Variants in MOB3B observed in about 807,000 individuals in gnomAD.
MOB3B encodes the protein MOB kinase activator-like 2B.
Under a neutral mutation model 18.7 loss-of-function variants are expected in MOB3B, and 7 were observed. The ratio of observed to expected loss-of-function variants is 0.37; its 90% CI spans 0.21 to 0.70. The LOEUF is 0.70. Ranked by LOEUF, MOB3B falls within the 30% of genes least tolerant of loss-of-function variation. The pLI is 0.52. For synonymous variants in MOB3B, 111 were observed against 99.9 expected (o/e 1.11, Z -0.66); for missense variants, 253 against 281.3 (o/e 0.90, Z 0.72).
chr9:27,519,690 G>C (rs1820294475), intron 1 of MOB3B, among the ~76,000 whole-genome samples: 1 of 152,154 alleles, frequency 6.6e-6, no homozygotes. Context: ...GTTAAGCAAA[G>C]CTTTCGCTTG....
At chr9:27,475,778 A>C (rs1434406185) in intron 1 of MOB3B, among the ~76,000 whole-genome samples, 1 of 152,182 alleles carries the variant, frequency 6.6e-6, no homozygotes, top group East Asian at 1.9e-4. Flanking sequence ...TATATCATTT[A>C]CTTCAAATTG....
chr9:27,451,300 C>T (rs1822778725), intron 2 of MOB3B, among the ~76,000 whole-genome samples: 1 of 152,124 alleles, frequency 6.6e-6, no homozygotes, highest in Non-Finnish European at 1.5e-5. Flanking sequence ...GCCCTTGCTT[C>T]AGAATTTACT....
chr9:27,357,143 TA>T (rs1821203383), intron 3 of MOB3B, among the ~76,000 whole-genome samples: 2 of 78,188 alleles, frequency 2.6e-5, no homozygotes, highest in African/African-American at 9.9e-5. Context: ...TATATATATA[TA>T]TGTGTTTTTT....
In MOB3B at chr9:27,357,144, A is replaced by ATATATATATATATATATATG. The variant is rs1486801059; in HGVS notation, c.621+1889_621+1890insCATATATATATATATATATA. Among the ~76,000 whole-genome samples the ATATATATATATATATATATG allele has an allele frequency of 1.6e-4, 13 of 80,972 alleles. 1 individual carries two copies. The highest frequency in any genetic ancestry group is 5.0e-4 in the African/African-American group (12 of 23,960). The allele number at this position is 80,972 out of a possible 152,430, so 53.1% of individuals were successfully genotyped here. On this transcript the variant is annotated intron_variant, in intron 3 of 3. Transcript: ENST00000262244. The stretch of plus-strand genomic sequence containing the variant: ...CAAATATATATATATATATATATAT[A>ATATATATATATATATATATG]TGTGTTTTTTTTTTTGCCATATATT...
At chr9:27,502,558 T>A (rs1378040880) in intron 1 of MOB3B, among the ~76,000 whole-genome samples, 1 of 152,214 alleles carries the variant, frequency 6.6e-6, no homozygotes, top group African/African-American at 2.4e-5. Flanking sequence ...GTGTGAAGAC[T>A]AATGTCCTGA....
intron 1 of MOB3B, among the ~76,000 whole-genome samples, chr9:27,491,332 A>G (rs1485703003): frequency 6.6e-6 from 1 of 152,208 alleles, no homozygotes; most frequent in Non-Finnish European, 1.5e-5. Context: ...TCACTAAGAA[A>G]AAAAAGTTTT....
chr9:27,332,116 C>A (rs1405053015), intron 3 of MOB3B, among the ~76,000 whole-genome samples: 1 of 152,200 alleles, frequency 6.6e-6, no homozygotes, highest in African/African-American at 2.4e-5. Context: ...CCTCAGACTC[C>A]TGAGTAGCTG....
At chr9:27,336,866 C>A (rs1253043178) in intron 3 of MOB3B, among the ~76,000 whole-genome samples, 2 of 152,128 alleles carry the variant, frequency 1.3e-5, no homozygotes, top group Non-Finnish European at 2.9e-5. Flanking sequence ...AATCATGCAG[C>A]TTCATCAATA....
intron 2 of MOB3B, among the ~76,000 whole-genome samples, chr9:27,388,899 G>C (rs1376215876): frequency 6.6e-6 from 1 of 151,974 alleles, no homozygotes; most frequent in Non-Finnish European, 1.5e-5. Context: ...AATTCATCTT[G>C]AAAGTTTCCT....
At chr9:27,513,443 G>A (rs1196635093) in intron 1 of MOB3B, among the ~76,000 whole-genome samples, 1 of 152,090 alleles carries the variant, frequency 6.6e-6, no homozygotes, top group Non-Finnish European at 1.5e-5. Context: ...TCTCTTGTTT[G>A]AAACTCTTTC....
chr9:27,400,248 A>G (rs1229890200), intron 2 of MOB3B, among the ~76,000 whole-genome samples: 1 of 152,248 alleles, frequency 6.6e-6, no homozygotes, highest in East Asian at 1.9e-4. Context: ...TAATACTTAC[A>G]GTAATTATTG....
intron 1 of MOB3B, among the ~76,000 whole-genome samples, chr9:27,475,919 T>C (rs1819548026): frequency 6.6e-6 from 1 of 152,224 alleles, no homozygotes; most frequent in Non-Finnish European, 1.5e-5. Flanking sequence ...CGGCAAACTA[T>C]TATTTCCAGA....
intron 1 of MOB3B, among the ~76,000 whole-genome samples, chr9:27,499,438 G>T (rs1819954136): frequency 6.6e-6 from 1 of 152,130 alleles, no homozygotes; most frequent in Non-Finnish European, 1.5e-5. Context: ...ATGATCTCAG[G>T]TTCTTATTTA....
At chr9:27,356,243 G>T (rs1012636624) in intron 3 of MOB3B, among the ~76,000 whole-genome samples, 2 of 152,206 alleles carry the variant, frequency 1.3e-5, no homozygotes, top group African/African-American at 4.8e-5. Flanking sequence ...ACACATAAAT[G>T]TAGGAAGTAT....
intron 2 of MOB3B, among the ~76,000 whole-genome samples, chr9:27,439,603 C>A (rs1403366488): frequency 2.6e-5 from 4 of 152,158 alleles, no homozygotes; most frequent in South Asian, 2.1e-4. Flanking sequence ...TTATTTCATC[C>A]ATGCAGGATT....
chr9:27,425,968 C>T (rs1198810618), intron 2 of MOB3B, among the ~76,000 whole-genome samples: 1 of 152,144 alleles, frequency 6.6e-6, no homozygotes, highest in Non-Finnish European at 1.5e-5. Flanking sequence ...GACGAAATAG[C>T]CCTGATTCAC....
intron 3 of MOB3B, among the ~76,000 whole-genome samples, chr9:27,355,069 C>T (rs530751528): frequency 4.4e-4 from 67 of 152,312 alleles, no homozygotes; most frequent in African/African-American, 1.6e-3. Context: ...TTAGTAAATG[C>T]AGGGTCCAGG....
intron 2 of MOB3B, among the ~76,000 whole-genome samples, chr9:27,414,278 G>A (rs1302342247): frequency 2.6e-5 from 4 of 152,244 alleles, no homozygotes; most frequent in Admixed American, 2.6e-4. Context: ...AGCAAGCAGG[G>A]AAGCTGCACA....
intron 1 of MOB3B, among the ~76,000 whole-genome samples, chr9:27,481,792 A>T (rs1446508338): frequency 2.0e-5 from 3 of 151,998 alleles, no homozygotes; most frequent in Admixed American, 6.5e-5. Context: ...CCCAAAGTGC[A>T]AGGATTACAG....
Sources: allele counts gnomAD v4.1 joint callset (sites outside exome capture counted in the v4.1 genomes callset), GRCh38; gene constraint gnomAD v4.1.1; transcripts MANE v1.5; gene names NCBI Gene and HGNC (gene_info 2026-07-23, HGNC 2026-07-21).